PARD3B: variants seen among roughly 807,000 people sequenced by gnomAD.
PARD3B encodes partitioning defective 3 homolog B.
A neutral mutation model predicts 130.2 loss-of-function variants in PARD3B; 103 were observed. That is an observed-to-expected ratio of 0.79 (90% CI 0.67 to 0.93). PARD3B has a LOEUF of 0.93. Ranked by LOEUF, PARD3B falls within the 40% of genes least tolerant of loss-of-function variation. PARD3B has a pLI of 0.00. For synonymous variants in PARD3B, 583 were observed against 553.2 expected, an observed-to-expected ratio of 1.05 and a Z score of -0.76; for missense variants, 1,609 against 1,499.2, an observed-to-expected ratio of 1.07 and a Z score of -1.21.
rs78746030 is a variant in PARD3B, at chr2:204,858,027, G to A, written c.223-107125G>A. Among the ~76,000 whole-genome samples, 1,832 of 152,096 alleles carry A rather than the reference G, an allele frequency of 0.012. 61 individuals are homozygous for A. In the East Asian group the frequency reaches 0.15, roughly 13 times the overall value. On this transcript the variant is annotated intron_variant, in intron 2 of 22. Coordinates refer to ENST00000406610, the MANE Select transcript of PARD3B (RefSeq NM_001302769.2). The stretch of plus-strand genomic sequence containing the variant: ...CGGTACTTCAATGGAATTTATCTGG[G>A]TTCACAGTTCCAAACTTTAAATTAT...
At chr2:205,455,359 T>G (rs1180584190) in intron 20 of PARD3B, among the ~76,000 whole-genome samples, 1 of 152,126 alleles carries the variant, frequency 6.6e-6, no homozygotes, top group African/African-American at 2.4e-5. Flanking sequence ...TGAGTTCATA[T>G]ATGTAAACAG....
Position 205,078,798 on chromosome 2 carries a change from T to G in PARD3B, c.505-25628T>G, listed in dbSNP as rs536121835. ...ATCTGATTCCCTTGGGCATTTGCTC[T>G]GGGACAAGCCAGATGCCATGTAAGA... On this transcript the variant is annotated intron_variant, in intron 4 of 22. Coordinates refer to ENST00000406610, the MANE Select transcript of PARD3B (RefSeq NM_001302769.2). The surrounding 1 kb of genome is among the most constrained non-coding windows in gnomAD (Gnocchi z 4.0). 3.3e-5 allele frequency among the ~76,000 whole-genome samples: 5 copies of G among 152,346 alleles called. No homozygotes were observed. In the South Asian group the frequency reaches 8.3e-4, roughly 25 times the overall value.
chr2:205,246,339 A>ACT (rs2125920695), intron 16 of PARD3B, among the ~76,000 whole-genome samples: 1 of 151,958 alleles, frequency 6.6e-6, no homozygotes, highest in African/African-American at 2.4e-5. Flanking sequence ...ATTCTCTAGG[A>ACT]AGTCCACAAA....
At position 205,241,013 on chromosome 2, in the gene PARD3B, A is replaced by G. The variant is rs1322226096; in HGVS notation, c.2141-4765A>G. 2.0e-5 allele frequency among the ~76,000 whole-genome samples: 3 copies of G among 152,262 alleles called. No homozygotes were observed. The highest frequency in any genetic ancestry group is 3.4e-3 in the Middle Eastern group (1 of 294). ...TTTCCCCTGTATTTTCTTTCTCTCA[A>G]TTCTAATGATGAACTGGTTGAAATT... On this transcript the variant is annotated intron_variant, in intron 15 of 22. Transcript: ENST00000406610. This position sits in a 1 kb window ranked among gnomAD's most constrained non-coding sequence, Gnocchi z 4.2.
rs762568990 is a variant in PARD3B at position 205,351,966 on chromosome 2, C to T, written c.2631-49047C>T. ...GCTGAGGAAACACAACCAACACCCA[C>T]TGTTTCAAAGAAAACCATTCTTTTT... On this transcript the variant is annotated intron_variant, in intron 18 of 22. Transcript: ENST00000406610. This position sits in a 1 kb window ranked among gnomAD's most constrained non-coding sequence, Gnocchi z 4.2. Among the ~76,000 whole-genome samples, 47 of 152,282 alleles carry T rather than the reference C, an allele frequency of 3.1e-4. No individual in the cohort carries two copies. Among genetic ancestry groups the T allele is most frequent in the Non-Finnish European group, 6.3e-4 (43 of 68,020 alleles).
At chr2:205,036,653 C>G (rs919682480) in intron 3 of PARD3B, among the ~76,000 whole-genome samples, 1 of 140,840 alleles carries the variant, frequency 7.1e-6, no homozygotes, top group African/African-American at 2.6e-5. Context: ...AGTATATATA[C>G]ACAGCGGACT....
At chr2:205,531,118 T>G (rs1235916739) in intron 21 of PARD3B, among the ~76,000 whole-genome samples, 1 of 152,226 alleles carries the variant, frequency 6.6e-6, no homozygotes, top group Admixed American at 6.5e-5. Context: ...TGCTTTTTCT[T>G]CTTCCAACGT....
intron 6 of PARD3B, among the ~76,000 whole-genome samples, chr2:205,115,101 T>C (rs1362715758): frequency 6.6e-6 from 1 of 152,108 alleles, no homozygotes; most frequent in Non-Finnish European, 1.5e-5. Flanking sequence ...TGAGAAAATA[T>C]ACAGTGTGAC....
intron 4 of PARD3B, among the ~76,000 whole-genome samples, chr2:205,074,358 T>G (rs552288063): frequency 2.0e-5 from 3 of 152,342 alleles, no homozygotes; most frequent in Admixed American, 1.3e-4. Context: ...TCCACTCATT[T>G]GAACTTTTAA....
chr2:204,638,602 TA>T (rs1326399279), intron 1 of PARD3B, among the ~76,000 whole-genome samples: 1 of 152,146 alleles, frequency 6.6e-6, no homozygotes, highest in African/African-American at 2.4e-5. Flanking sequence ...AGAGTACTAA[TA>T]AAAAGAGACA....
At chr2:204,846,678 G>C (rs2044474026) in intron 2 of PARD3B, among the ~76,000 whole-genome samples, 1 of 150,084 alleles carries the variant, frequency 6.7e-6, no homozygotes, top group Non-Finnish European at 1.5e-5. Flanking sequence ...GGTCCAGTGA[G>C]CACACGAGAT....
intron 2 of PARD3B, among the ~76,000 whole-genome samples, chr2:204,827,809 G>A (rs1285944548): frequency 6.6e-6 from 1 of 152,292 alleles, no homozygotes; most frequent in Non-Finnish European, 1.5e-5. Flanking sequence ...GTTTTGAAGT[G>A]CTATCTTCGT....
intron 21 of PARD3B, among the ~76,000 whole-genome samples, chr2:205,512,989 CT>C (rs34921395): frequency 1.9e-3 from 272 of 143,274 alleles, no homozygotes; most frequent in Non-Finnish European, 1.3e-3. Context: ...TTTTTTCCTT[CT>C]TTTTTTTTTT....
intron 2 of PARD3B, among the ~76,000 whole-genome samples, chr2:204,707,519 A>G (rs1447189801): frequency 2.0e-5 from 3 of 152,204 alleles, no homozygotes; most frequent in Non-Finnish European, 4.4e-5. Context: ...GCCTAGATAT[A>G]TCTAGTAGAT....
At chr2:204,830,725 A>C (rs2043787349) in intron 2 of PARD3B, among the ~76,000 whole-genome samples, 1 of 152,230 alleles carries the variant, frequency 6.6e-6, no homozygotes, top group Admixed American at 6.5e-5. Flanking sequence ...GAATGAGACC[A>C]GTTCCTATGA....
intron 2 of PARD3B, among the ~76,000 whole-genome samples, chr2:204,735,562 G>A (rs2039709291): frequency 6.6e-6 from 1 of 152,094 alleles, no homozygotes; most frequent in Non-Finnish European, 1.5e-5. Context: ...GGAAAGAAAG[G>A]GGAACTTTTC....
chr2:205,473,680 GTA>G lies in PARD3B; in HGVS notation c.3045-26214_3045-26213del, dbSNP rs767524981. 0.052 allele frequency among the ~76,000 whole-genome samples: 4,492 copies of G among 85,708 alleles called. 74 individuals are homozygous for G. The highest frequency in any genetic ancestry group is 0.13 in the Middle Eastern group (23 of 176). The allele number at this position is 85,708 out of a possible 152,430, so 56.2% of individuals were successfully genotyped here. ...TGTGTGTGTGTGTGTGTGTGTGTGT[GTA>G]TGTATATATATATATATATATATAT... On this transcript the variant is annotated intron_variant, in intron 20 of 22. Transcript: ENST00000406610. The surrounding 1 kb of genome is among the most constrained non-coding windows in gnomAD (Gnocchi z 4.9).
intron 4 of PARD3B, among the ~76,000 whole-genome samples, chr2:205,055,691 CTTCAAGA>C (rs1699586789): frequency 6.6e-6 from 1 of 152,100 alleles, no homozygotes; most frequent in African/African-American, 2.4e-5. Flanking sequence ...AAACTAGTGA[CTTCAAGA>C]TTCCAGATGT....
intron 4 of PARD3B, among the ~76,000 whole-genome samples, chr2:205,066,471 T>A (rs1021321834): frequency 6.6e-6 from 1 of 152,186 alleles, no homozygotes; most frequent in African/African-American, 2.4e-5. Context: ...AAATACAATG[T>A]GTTCATTAGC....
Sources: allele counts gnomAD v4.1 joint callset (sites outside exome capture counted in the v4.1 genomes callset), GRCh38; gene constraint gnomAD v4.1.1; non-coding constraint Gnocchi (gnomAD v3.1); transcripts MANE v1.5; gene names NCBI Gene and HGNC (gene_info 2026-07-23, HGNC 2026-07-21).